Variants in NALF1 observed in about 807,000 individuals in gnomAD.
The protein encoded by NALF1 is NALCN channel auxiliary factor 1.
Under a neutral mutation model 48.4 loss-of-function variants are expected in NALF1, and 3 were observed. The observed-to-expected ratio is 0.06, with a 90% CI of 0.03 to 0.16. NALF1 has a LOEUF of 0.16. Among genes scored for constraint, NALF1 ranks in the 10% least tolerant of loss-of-function variants. The probability of loss-of-function intolerance (pLI) is 1.00; values close to 1 mark genes in which losing one functional copy is unlikely to be tolerated. For missense variants in NALF1, 526 were observed against 571.5 expected, an observed-to-expected ratio of 0.92 and a Z score of 0.81; for synonymous variants, 262 against 245.7, an observed-to-expected ratio of 1.07 and a Z score of -0.62.
chr13:107,811,461 T>C (rs1261948261), intron 1 of NALF1, among the ~76,000 whole-genome samples: 3 of 152,196 alleles, frequency 2.0e-5, no homozygotes, highest in Non-Finnish European at 4.4e-5. Flanking sequence ...TATCTTACAT[T>C]GATTGACATT....
chr13:107,307,955 A>G (rs1485443706), intron 1 of NALF1, among the ~76,000 whole-genome samples: 2 of 152,104 alleles, frequency 1.3e-5, no homozygotes, highest in Non-Finnish European at 2.9e-5. Flanking sequence ...CCTCAAAGTG[A>G]TATTTTAGAC....
intron 1 of NALF1, among the ~76,000 whole-genome samples, chr13:107,781,235 G>T (rs1877877554): frequency 6.6e-6 from 1 of 152,030 alleles, no homozygotes; most frequent in Admixed American, 6.6e-5. Flanking sequence ...TGCAAAAAAA[G>T]AATGTTCATT....
intron 1 of NALF1, among the ~76,000 whole-genome samples, chr13:107,370,862 A>C (rs1051314839): frequency 2.0e-5 from 3 of 152,214 alleles, no homozygotes; most frequent in Non-Finnish European, 4.4e-5. Context: ...TGAGAAGTGC[A>C]GAGTGAAGTG....
chr13:107,714,743 G>A (rs994436819), intron 1 of NALF1, among the ~76,000 whole-genome samples: 3 of 151,712 alleles, frequency 2.0e-5, no homozygotes, highest in Admixed American at 1.3e-4. Flanking sequence ...GTTTGATACA[G>A]ATGTGTTTGT....
At chr13:107,422,408 C>T (rs536275846) in intron 1 of NALF1, among the ~76,000 whole-genome samples, 29 of 152,230 alleles carry the variant, frequency 1.9e-4, no homozygotes, top group East Asian at 3.9e-4. Context: ...AGAAATTCCA[C>T]GACACATTAG....
At chr13:107,382,524 G>A (rs1352289270) in intron 1 of NALF1, among the ~76,000 whole-genome samples, 1 of 152,098 alleles carries the variant, frequency 6.6e-6, no homozygotes, top group Non-Finnish European at 1.5e-5. Context: ...CATAACTGTA[G>A]TTTATCAGAA....
chr13:107,836,038 T>C (rs895885803), intron 1 of NALF1, among the ~76,000 whole-genome samples: 3 of 152,016 alleles, frequency 2.0e-5, no homozygotes, highest in Non-Finnish European at 2.9e-5. Flanking sequence ...GTTGCCCACA[T>C]TGGAGTGCAA....
At chr13:107,678,214 T>C (rs904453170) in intron 1 of NALF1, among the ~76,000 whole-genome samples, 2 of 152,112 alleles carry the variant, frequency 1.3e-5, no homozygotes, top group African/African-American at 2.4e-5. Flanking sequence ...TTCCTTCCAA[T>C]GAACTCCACA....
chr13:107,636,808 G>A (rs1313756553), intron 1 of NALF1, among the ~76,000 whole-genome samples: 1 of 150,996 alleles, frequency 6.6e-6, no homozygotes, highest in African/African-American at 2.4e-5. Flanking sequence ...GCACTTAAAA[G>A]TACATAATAT....
chr13:107,533,412 G>A (rs1291522992), intron 1 of NALF1, among the ~76,000 whole-genome samples: 1 of 152,080 alleles, frequency 6.6e-6, no homozygotes, highest in Non-Finnish European at 1.5e-5. Context: ...AGGCCCTTCT[G>A]AAAAGGGCTT....
intron 1 of NALF1, among the ~76,000 whole-genome samples, chr13:107,847,841 G>T (rs1009697987): frequency 6.6e-6 from 1 of 152,176 alleles, no homozygotes; most frequent in African/African-American, 2.4e-5. Flanking sequence ...TAATAAACAC[G>T]ACTTGTTTTA....
intron 1 of NALF1, among the ~76,000 whole-genome samples, chr13:107,561,700 T>C (rs918101220): frequency 1.3e-5 from 2 of 152,196 alleles, no homozygotes; most frequent in African/African-American, 2.4e-5. Context: ...AAGATTACCA[T>C]CTCCTCTGTA....
chr13:107,649,614 A>G (rs1214750210), intron 1 of NALF1, among the ~76,000 whole-genome samples: 1 of 152,152 alleles, frequency 6.6e-6, no homozygotes, highest in Non-Finnish European at 1.5e-5. Flanking sequence ...AATCCTCTTT[A>G]TGTGCAAATA....
chr13:107,781,160 A>G (rs1256844453), intron 1 of NALF1, among the ~76,000 whole-genome samples: 2 of 152,182 alleles, frequency 1.3e-5, no homozygotes, highest in Non-Finnish European at 2.9e-5. Flanking sequence ...TGCTAATATT[A>G]TTATATGGTT....
At chr13:107,313,618 G>C (rs1248399931) in intron 1 of NALF1, among the ~76,000 whole-genome samples, 1 of 151,990 alleles carries the variant, frequency 6.6e-6, no homozygotes, top group East Asian at 1.9e-4. Flanking sequence ...TCATCCCTCC[G>C]CTCACCTGAG....
rs145986941 is a variant in NALF1 at position 107,213,950 on chromosome 13, G to A, written c.916-3195C>T. On this transcript the variant is annotated intron_variant, in intron 1 of 2. Transcript: ENST00000375915. Reference sequence around the variant, plus strand: ...ACGATGGATTTAAACAATAAATTGTGGAATCACAAAACAAAGACAAGAGAA... The same window carrying A: ...ACGATGGATTTAAACAATAAATTGTAGAATCACAAAACAAAGACAAGAGAA... Among the ~76,000 whole-genome samples, 29 of 152,088 alleles carry A rather than the reference G, an allele frequency of 1.9e-4. No individual in the cohort carries two copies. The East Asian group carries it at 5.6e-3, about 29-fold the overall frequency.
At chr13:107,618,617 C>T (rs982933804) in intron 1 of NALF1, among the ~76,000 whole-genome samples, 2 of 152,126 alleles carry the variant, frequency 1.3e-5, no homozygotes, top group African/African-American at 2.4e-5. Flanking sequence ...GGAGCGAAGA[C>T]GATGGGTAGC....
intron 1 of NALF1, among the ~76,000 whole-genome samples, chr13:107,695,959 C>A (rs1401654349): frequency 6.6e-6 from 1 of 151,468 alleles, no homozygotes; most frequent in Non-Finnish European, 1.5e-5. Context: ...TGCAACTGCA[C>A]AACCTTAGCT....
chr13:107,749,690 G>T (rs182221165), intron 1 of NALF1, among the ~76,000 whole-genome samples: 2 of 151,870 alleles, frequency 1.3e-5, no homozygotes, highest in African/African-American at 2.4e-5. Context: ...ATTTACAGAC[G>T]ATCTTAATCA....
Sources: allele counts gnomAD v4.1 joint callset (sites outside exome capture counted in the v4.1 genomes callset), GRCh38; gene constraint gnomAD v4.1.1; transcripts MANE v1.5; gene names NCBI Gene and HGNC (gene_info 2026-07-23, HGNC 2026-07-21).